GRID2: variants seen among roughly 807,000 people sequenced by gnomAD.
GRID2 encodes the protein glutamate ionotropic receptor delta type subunit 2.
A neutral mutation model predicts 114.8 loss-of-function variants in GRID2; 33 were observed. That is an observed-to-expected ratio of 0.29 (90% CI 0.22 to 0.38). The LOEUF is 0.38. GRID2 is among the 10% of genes least tolerant of loss of function. The probability of loss-of-function intolerance (pLI) is 1.00; values close to 1 mark genes in which losing one functional copy is unlikely to be tolerated. For missense variants in GRID2, 1,184 were observed against 1,257.7 expected, an observed-to-expected ratio of 0.94 and a Z score of 0.89; for synonymous variants, 505 against 449.9, an observed-to-expected ratio of 1.12 and a Z score of -1.55.
chr4:92,577,183 A>G (rs1727936162), intron 1 of GRID2, among the ~76,000 whole-genome samples: 1 of 152,180 alleles, frequency 6.6e-6, no homozygotes, highest in South Asian at 2.1e-4. Flanking sequence ...GGGGACTGGA[A>G]GTTTCTTTGT....
In GRID2 at chr4:93,402,234, G is replaced by T. The variant is rs547101297; in HGVS notation, c.1347+6526G>T. Among the ~76,000 whole-genome samples, 13 of 152,114 alleles carry T rather than the reference G, an allele frequency of 8.5e-5. No homozygotes were observed. In the South Asian group the frequency reaches 2.7e-3, roughly 32 times the overall value. ...AAAAGCACTCAACTTGCAGTCAAAA[G>T]GTATGACTTTTAGTATCGTACTAGT... On this transcript the variant is annotated intron_variant, in intron 9 of 15. Transcript: ENST00000282020.
chr4:93,473,252 T>C (rs922573689), intron 11 of GRID2, among the ~76,000 whole-genome samples: 3 of 152,144 alleles, frequency 2.0e-5, no homozygotes, highest in African/African-American at 4.8e-5. Context: ...TGCACATCCA[T>C]GGTCATTTTC....
At chr4:93,729,106 C>G (rs1336187700) in intron 14 of GRID2, among the ~76,000 whole-genome samples, 2 of 152,070 alleles carry the variant, frequency 1.3e-5, no homozygotes, top group Admixed American at 1.3e-4. Flanking sequence ...CTATGTTGGT[C>G]AGGCTGATCT....
intron 4 of GRID2, among the ~76,000 whole-genome samples, chr4:93,205,785 G>C (rs1322849666): frequency 3.3e-5 from 5 of 152,022 alleles, no homozygotes; most frequent in African/African-American, 9.7e-5. Flanking sequence ...CAGTGTAAAA[G>C]TGTTCCTATT....
intron 2 of GRID2, among the ~76,000 whole-genome samples, chr4:92,867,181 A>G (rs552620233): frequency 6.6e-6 from 1 of 152,300 alleles, no homozygotes; most frequent in East Asian, 1.9e-4. Flanking sequence ...TTTATTAATA[A>G]CATATTGGTT....
intron 8 of GRID2, among the ~76,000 whole-genome samples, chr4:93,341,642 G>A (rs972782559): frequency 1.3e-5 from 2 of 152,064 alleles, no homozygotes; most frequent in African/African-American, 2.4e-5. Context: ...TGGTTTTTAT[G>A]TGTACATCTT....
At chr4:93,503,248 G>A (rs1431919981) in intron 12 of GRID2, among the ~76,000 whole-genome samples, 1 of 152,042 alleles carries the variant, frequency 6.6e-6, no homozygotes, top group Admixed American at 6.6e-5. Context: ...GAGCTGTTTG[G>A]CAGAAGAATA....
At chr4:93,272,593 C>T (rs561609273) in intron 8 of GRID2, among the ~76,000 whole-genome samples, 4 of 152,280 alleles carry the variant, frequency 2.6e-5, no homozygotes, top group Admixed American at 6.5e-5. Flanking sequence ...AACTATTCAC[C>T]GTGAATGCTA....
chr4:93,754,252 G>A (rs1260469430), intron 14 of GRID2, among the ~76,000 whole-genome samples: 1 of 152,160 alleles, frequency 6.6e-6, no homozygotes, highest in South Asian at 2.1e-4. Context: ...TGTAATGTGT[G>A]TTGCAGCTCA....
At chr4:93,422,090 C>G (rs1293640300) in intron 9 of GRID2, among the ~76,000 whole-genome samples, 10 of 152,024 alleles carry the variant, frequency 6.6e-5, no homozygotes, top group Admixed American at 6.6e-4. Flanking sequence ...TGAAAGGGGC[C>G]TATTTGTTAG....
intron 10 of GRID2, among the ~76,000 whole-genome samples, chr4:93,423,955 C>T (rs959889973): frequency 2.0e-5 from 3 of 151,810 alleles, no homozygotes; most frequent in African/African-American, 4.8e-5. Context: ...TTTTATTGCT[C>T]TTACTGCCTT....
chr4:92,894,621 A>G (rs79298822), intron 2 of GRID2, among the ~76,000 whole-genome samples: 2,244 of 152,274 alleles, frequency 0.015, 22 homozygotes, highest in East Asian at 0.054. Context: ...CCTACTATGT[A>G]CTATATTGCT....
At chr4:92,862,244 A>G (rs551778540) in intron 2 of GRID2, among the ~76,000 whole-genome samples, 2 of 152,132 alleles carry the variant, frequency 1.3e-5, no homozygotes, top group East Asian at 1.9e-4. Context: ...TAGTACATTT[A>G]CCTCATATTT....
intron 14 of GRID2, among the ~76,000 whole-genome samples, chr4:93,764,609 G>A (rs1733481418): frequency 6.6e-6 from 1 of 152,068 alleles, no homozygotes; most frequent in Non-Finnish European, 1.5e-5. Context: ...AAAAGTAAGT[G>A]TTGTTATGCA....
intron 13 of GRID2, among the ~76,000 whole-genome samples, chr4:93,574,246 A>T (rs1469627719): frequency 1.3e-5 from 2 of 152,130 alleles, no homozygotes; most frequent in Non-Finnish European, 2.9e-5. Flanking sequence ...CCTGTAGTGA[A>T]AATTGCTTGC....
chr4:92,535,711 T>C (rs1221848636), intron 1 of GRID2, among the ~76,000 whole-genome samples: 1 of 152,200 alleles, frequency 6.6e-6, no homozygotes, highest in Admixed American at 6.5e-5. Context: ...CTATTGTGTC[T>C]GGAACTGGTT....
chr4:92,497,984 TAAA>T (rs1723478702), intron 1 of GRID2, among the ~76,000 whole-genome samples: 2 of 151,820 alleles, frequency 1.3e-5, no homozygotes, highest in Admixed American at 6.6e-5. Flanking sequence ...TACTAAAATT[TAAA>T]AAGCATTCAG....
chr4:93,274,833 T>C (rs1751874029), intron 8 of GRID2, among the ~76,000 whole-genome samples: 1 of 152,080 alleles, frequency 6.6e-6, no homozygotes, highest in Non-Finnish European at 1.5e-5. Flanking sequence ...TGAATTTTTT[T>C]TGTTTCTTAT....
At chr4:92,669,126 G>T (rs2149274832) in intron 2 of GRID2, among the ~76,000 whole-genome samples, 1 of 151,960 alleles carries the variant, frequency 6.6e-6, no homozygotes, top group African/African-American at 2.4e-5. Context: ...TTGAAAAAAT[G>T]TTTTGAATAT....
Sources: gnomAD v4.1 joint callset for allele counts (sites outside exome capture counted in the v4.1 genomes callset) on GRCh38, gnomAD v4.1.1 for gene constraint, MANE v1.5 for transcripts, NCBI Gene and HGNC (gene_info 2026-07-23, HGNC 2026-07-21) for gene names.